The following TDP1 variants were observed in gnomAD, a reference collection of about 807,000 sequenced individuals.
TDP1 encodes tyrosyl-DNA phosphodiesterase 1.
TDP1 carries 64 observed loss-of-function variants against 81.5 expected under a neutral mutation model. The observed-to-expected ratio is 0.79, with a 90% CI of 0.64 to 0.97. TDP1 has a LOEUF of 0.97. Among genes scored for constraint, TDP1 ranks in the 50% least tolerant of loss-of-function variants. The pLI is 0.00. For synonymous variants in TDP1, 256 were observed against 264.3 expected, an observed-to-expected ratio of 0.97 and a Z score of 0.30; for missense variants, 723 against 743.8, an observed-to-expected ratio of 0.97 and a Z score of 0.33.
intron 6 of TDP1, chr14:89,975,506 T>C: frequency 3.1e-6 from 3 of 973,328 alleles, no homozygotes; most frequent in Non-Finnish European, 3.7e-6. Flanking sequence ...TTTAGGCTTC[T>C]CAGTCCTAAT....
In TDP1 at chr14:90,033,256, A is replaced by C. The variant is rs377609765; in HGVS notation, c.1753+42A>C. On this transcript the variant is annotated intron_variant, in intron 16 of 16. Transcript: ENST00000335725. ...GGAAAACCACGGGTGGATATGCATA[A>C]GAAAAACAAACAGAGCCCAGGAGAA... is the stretch of plus-strand genomic sequence containing the variant. The C allele has an allele frequency of 3.0e-5, 35 of 1,149,778 alleles. No individual in the cohort carries two copies. In the African/African-American group the frequency reaches 4.7e-4, roughly 15 times the overall value. The allele number at this position is 1,149,778 out of a possible 1,614,324, so 71.2% of individuals were successfully genotyped here. A position where few individuals can be genotyped will look rare whatever the true frequency, so the allele number is the denominator to read the frequency against.
intron 4 of TDP1, among the ~76,000 whole-genome samples, chr14:89,966,442 A>T (rs1169139565): frequency 6.6e-6 from 1 of 152,230 alleles, no homozygotes; most frequent in African/African-American, 2.4e-5. Flanking sequence ...CACTTTGGAC[A>T]TTCCAGCTTG....
chr14:89,984,176 A>C, intron 8 of TDP1: 2 of 985,422 alleles, frequency 2.0e-6, no homozygotes, highest in Non-Finnish European at 2.4e-6. Flanking sequence ...TCTTGTCATC[A>C]AGTCTTAGAA....
intron 5 of TDP1, chr14:89,970,928 T>G (rs1051791702): frequency 1.7e-5 from 4 of 230,934 alleles, no homozygotes; most frequent in Non-Finnish European, 2.8e-5. Flanking sequence ...AACCTTCACC[T>G]CCCAGGTTCA....
intron 2 of TDP1, among the ~76,000 whole-genome samples, chr14:89,960,023 G>C (rs192837478): frequency 9.5e-4 from 144 of 152,306 alleles, no homozygotes; most frequent in African/African-American, 3.3e-3. Context: ...ATAGAGAACA[G>C]CCTGAGGACT....
At chr14:89,957,956 C>T (rs1244410345) in intron 2 of TDP1, among the ~76,000 whole-genome samples, 1 of 152,178 alleles carries the variant, frequency 6.6e-6, no homozygotes, top group Non-Finnish European at 1.5e-5. Flanking sequence ...CGCCCAGATC[C>T]CGTGGCCACT....
chr14:89,999,079 C>T lies in TDP1; in HGVS notation c.1541+5596C>T, dbSNP rs561029752. On this transcript the variant is annotated intron_variant, in intron 14 of 16. Coordinates refer to ENST00000335725, the MANE Select transcript of TDP1 (RefSeq NM_018319.4). ...GCTTATACTCAAATAGTGTGTCTCT[C>T]AACAGGGCACTATTGTTATTTTGGT... Among the ~76,000 whole-genome samples, 135 of 152,138 alleles carry T rather than the reference C, an allele frequency of 8.9e-4. 1 individual carries two copies. The highest frequency in any genetic ancestry group is 1.7e-3 in the Non-Finnish European group (118 of 68,026).
chr14:90,021,892 CA>C (rs1374021507), intron 15 of TDP1, among the ~76,000 whole-genome samples: 3 of 152,208 alleles, frequency 2.0e-5, no homozygotes, highest in Non-Finnish European at 4.4e-5. Context: ...TCTCAAAAAA[CA>C]GAGCCTGGAA....
At chr14:89,998,746 G>A (rs1896941075) in intron 14 of TDP1, among the ~76,000 whole-genome samples, 5 of 151,896 alleles carry the variant, frequency 3.3e-5, no homozygotes, top group Admixed American at 2.6e-4. Context: ...GACGCGGGGT[G>A]GGGAGTGGGA....
intron 14 of TDP1, among the ~76,000 whole-genome samples, chr14:90,002,531 A>G (rs1050077489): frequency 1.3e-5 from 2 of 152,068 alleles, no homozygotes; most frequent in African/African-American, 2.4e-5. Flanking sequence ...TAAAGCCTTT[A>G]TCTGTTTTGC....
chr14:89,974,945 G>A (rs1360742047), intron 6 of TDP1, among the ~76,000 whole-genome samples: 1 of 152,156 alleles, frequency 6.6e-6, no homozygotes, highest in Non-Finnish European at 1.5e-5. Context: ...CCATTAGTTT[G>A]TAAAGGTGTC....
At chr14:89,958,730 T>G (rs1891969886) in intron 2 of TDP1, among the ~76,000 whole-genome samples, 1 of 152,196 alleles carries the variant, frequency 6.6e-6, no homozygotes, top group South Asian at 2.1e-4. Context: ...ACCCAACACT[T>G]GTAGCTTGGC....
intron 15 of TDP1, among the ~76,000 whole-genome samples, chr14:90,020,267 C>T (rs1885815735): frequency 6.6e-6 from 1 of 151,520 alleles, no homozygotes; most frequent in South Asian, 2.1e-4. Context: ...CATGTCACCT[C>T]CTTATACTCA....
intron 14 of TDP1, among the ~76,000 whole-genome samples, chr14:90,005,383 G>A (rs893465385): frequency 2.6e-5 from 4 of 152,016 alleles, no homozygotes; most frequent in African/African-American, 7.2e-5. Context: ...TGTTTCCTTT[G>A]AACAAAGGGT....
At chr14:90,002,740 G>T (rs373143363) in intron 14 of TDP1, among the ~76,000 whole-genome samples, 1 of 151,358 alleles carries the variant, frequency 6.6e-6, no homozygotes, top group South Asian at 2.1e-4. Flanking sequence ...ATGCTTGGTG[G>T]TGTGCGCCTG....
intron 6 of TDP1, among the ~76,000 whole-genome samples, chr14:89,972,557 T>C (rs1226833123): frequency 6.6e-6 from 1 of 152,244 alleles, no homozygotes; most frequent in Non-Finnish European, 1.5e-5. Context: ...GCATACAATG[T>C]GGCCAGTGAG....
chr14:89,978,954 TCGTAC>T (rs1399774886), intron 7 of TDP1, among the ~76,000 whole-genome samples: 1 of 150,574 alleles, frequency 6.6e-6, no homozygotes, highest in Non-Finnish European at 1.5e-5. Flanking sequence ...TTGTCTCTTC[TCGTAC>T]CCTTTTTCTT....
intron 11 of TDP1, 148 bp from the exon 12 acceptor site, chr14:89,989,569 T>C: frequency 9.1e-7 from 1 of 1,094,962 alleles, no homozygotes; most frequent in Non-Finnish European, 1.3e-6. Flanking sequence ...TTCATTTTTT[T>C]CATAAGATGA....
At chr14:89,962,993 G>A (rs2139938162) in intron 2 of TDP1, 115 bp from the exon 3 acceptor site, 1 of 1,565,280 alleles carries the variant, frequency 6.4e-7, no homozygotes, top group Non-Finnish European at 8.6e-7. Context: ...GATGTTAGGT[G>A]GTTCAGCCTC....
Sources: allele counts gnomAD v4.1 joint callset (sites outside exome capture counted in the v4.1 genomes callset), GRCh38; gene constraint gnomAD v4.1.1; transcripts MANE v1.5; gene names NCBI Gene and HGNC (gene_info 2026-07-23, HGNC 2026-07-21).